The following PCSK2 variants were observed in gnomAD, a reference collection of about 807,000 sequenced individuals.
The protein encoded by PCSK2 is proprotein convertase subtilisin/kexin type 2, also known as neuroendocrine convertase 2.
Under a neutral mutation model 69.7 loss-of-function variants are expected in PCSK2, and 14 were observed. The observed-to-expected ratio is 0.20, with a 90% CI of 0.13 to 0.31. The LOEUF is 0.31. Among genes scored for constraint, PCSK2 ranks in the 10% least tolerant of loss-of-function variants. PCSK2 has a pLI of 1.00. For synonymous variants in PCSK2, 307 were observed against 320.7 expected, an observed-to-expected ratio of 0.96 and a Z score of 0.46; for missense variants, 544 against 842.5, an observed-to-expected ratio of 0.65 and a Z score of 4.39.
At chr20:17,337,907 T>G in intron 2 of PCSK2, among the ~76,000 whole-genome samples, 1 of 130,136 alleles carries the variant, frequency 7.7e-6, no homozygotes, top group Admixed American at 8.4e-5. Flanking sequence ...CCAGCCTGGG[T>G]GACAAAGCAA....
intron 2 of PCSK2, among the ~76,000 whole-genome samples, chr20:17,339,777 C>G (rs1990456304): frequency 1.3e-5 from 2 of 152,164 alleles, no homozygotes; most frequent in African/African-American, 4.8e-5. Flanking sequence ...CTGCCCAGCT[C>G]CCCTGTCATT....
chr20:17,470,016 G>A (rs575244911), intron 11 of PCSK2, among the ~76,000 whole-genome samples: 12 of 152,302 alleles, frequency 7.9e-5, no homozygotes, highest in African/African-American at 1.9e-4. Context: ...AAGGTCTGCC[G>A]TGTCTTTTGG....
intron 10 of PCSK2, 104 bp from the exon 11 acceptor site, chr20:17,465,222 G>A (rs1257463699): frequency 4.9e-6 from 4 of 820,094 alleles, no homozygotes; most frequent in Admixed American, 2.0e-5. Context: ...AATCTTACAA[G>A]AGGTCTGTGT....
At chr20:17,332,493 C>T (rs1990231121) in intron 2 of PCSK2, among the ~76,000 whole-genome samples, 1 of 152,106 alleles carries the variant, frequency 6.6e-6, no homozygotes, top group Non-Finnish European at 1.5e-5. Context: ...AAGCTGTCAC[C>T]TGAAATCTGG....
chr20:17,469,529 G>C (rs1031771917), intron 11 of PCSK2, among the ~76,000 whole-genome samples: 22 of 151,700 alleles, frequency 1.5e-4, no homozygotes, highest in Non-Finnish European at 2.9e-4. Context: ...ACACAAGGAA[G>C]CTGAGATCCA....
chr20:17,281,695 T>C (rs1017738904), intron 2 of PCSK2, among the ~76,000 whole-genome samples: 1 of 152,146 alleles, frequency 6.6e-6, no homozygotes, highest in Admixed American at 6.5e-5. Flanking sequence ...TTGCTGTGAA[T>C]CCCAGTGAAT....
At chr20:17,334,810 A>G (rs942875127) in intron 2 of PCSK2, among the ~76,000 whole-genome samples, 2 of 152,198 alleles carry the variant, frequency 1.3e-5, no homozygotes, top group African/African-American at 4.8e-5. Flanking sequence ...AAGCACATAA[A>G]ATAGTGGTAT....
At chr20:17,443,484 G>A (rs1438996922) in intron 8 of PCSK2, among the ~76,000 whole-genome samples, 1 of 152,100 alleles carries the variant, frequency 6.6e-6, no homozygotes, top group African/African-American at 2.4e-5. Context: ...ACACATCCAA[G>A]CCCCAGACCA....
intron 2 of PCSK2, among the ~76,000 whole-genome samples, chr20:17,262,083 G>T (rs1987409995): frequency 6.6e-6 from 1 of 152,210 alleles, no homozygotes; most frequent in South Asian, 2.1e-4. Context: ...TCTCTGAAAT[G>T]CTGATTCTTG....
At chr20:17,460,806 T>C (rs1056319398) in intron 10 of PCSK2, among the ~76,000 whole-genome samples, 12 of 152,222 alleles carry the variant, frequency 7.9e-5, no homozygotes, top group African/African-American at 1.4e-4. Context: ...TAACTTCTGA[T>C]ATATGTGATA....
rs180821791 is a variant in PCSK2, at chr20:17,341,098, G to C, written c.283-17229G>C. 1.8e-3 allele frequency among the ~76,000 whole-genome samples: 270 copies of C among 152,232 alleles called. 1 individual carries two copies. Among genetic ancestry groups the C allele is most frequent in the Middle Eastern group, 3.4e-3 (1 of 294 alleles). On this transcript the variant is annotated intron_variant, in intron 2 of 11. Transcript: ENST00000262545. ...CTACTAAAAATACAAAAATGAGCTGGGCATGGTGGTGCATGCCTGTAATCC... is the reference window on the plus strand; with the variant it reads ...CTACTAAAAATACAAAAATGAGCTGCGCATGGTGGTGCATGCCTGTAATCC...
intron 2 of PCSK2, among the ~76,000 whole-genome samples, chr20:17,274,045 T>G (rs978913262): frequency 6.6e-6 from 1 of 152,134 alleles, no homozygotes; most frequent in African/African-American, 2.4e-5. Flanking sequence ...AGAAGTGTGG[T>G]TCTCCCATGT....
At chr20:17,436,926 G>A in intron 8 of PCSK2, 43 bp downstream of exon 8, 1 of 1,514,888 alleles carries the variant, frequency 6.6e-7, no homozygotes, top group Non-Finnish European at 8.9e-7. Context: ...TCACAAGTTG[G>A]GACAAAGTGG....
chr20:17,377,046 C>T (rs528617054), intron 5 of PCSK2, among the ~76,000 whole-genome samples: 37 of 152,252 alleles, frequency 2.4e-4, no homozygotes, highest in South Asian at 4.1e-4. Flanking sequence ...AAGAGAGGAC[C>T]CTGGAACCTA....
Position 17,409,574 on chromosome 20 carries a change from T to G in PCSK2, c.620+235T>G, listed in dbSNP as rs965344898. ...TGCTAACTTGAAATTATTTGCTACT[T>G]TAATCCATTAAAGAGAAAAGAAAAT... On this transcript the variant is annotated intron_variant, in intron 6 of 11. Transcript: ENST00000262545. Among the ~76,000 whole-genome samples the G allele has an allele frequency of 3.9e-5, 6 of 152,226 alleles. No individual in the cohort carries two copies. The South Asian group carries it at 1.2e-3, about 32-fold the overall frequency.
intron 2 of PCSK2, among the ~76,000 whole-genome samples, chr20:17,347,908 G>GA (rs1990717389): frequency 7.3e-5 from 2 of 27,464 alleles, no homozygotes; most frequent in Admixed American, 8.4e-4. Context: ...AAGAAAGAAA[G>GA]AAAGAAAGAA....
chr20:17,268,757 G>T lies in PCSK2; in HGVS notation c.282+8413G>T, dbSNP rs146565509. ...CTATGGGCAAATAATAGACAATGGG[G>T]TAGAGGTATGGATGAGGGACAACTG... On this transcript the variant is annotated intron_variant, in intron 2 of 11. Coordinates refer to ENST00000262545, the MANE Select transcript of PCSK2 (RefSeq NM_002594.5). Among the ~76,000 whole-genome samples the T allele has an allele frequency of 2.1e-3, 313 of 152,300 alleles. 1 individual carries two copies. Among genetic ancestry groups the T allele is most frequent in the Non-Finnish European group, 3.4e-3 (230 of 68,030 alleles).
intron 2 of PCSK2, among the ~76,000 whole-genome samples, chr20:17,327,397 T>C (rs1320311802): frequency 6.6e-6 from 1 of 152,136 alleles, no homozygotes; most frequent in Non-Finnish European, 1.5e-5. Flanking sequence ...AGCAGATGCA[T>C]TTTCCGAGGG....
chr20:17,311,084 G>C (rs1989495298), intron 2 of PCSK2, among the ~76,000 whole-genome samples: 1 of 151,166 alleles, frequency 6.6e-6, no homozygotes, highest in South Asian at 2.1e-4. Flanking sequence ...TTTTTAATTA[G>C]AAAGATCAAC....
Sources: allele counts gnomAD v4.1 joint callset (sites outside exome capture counted in the v4.1 genomes callset), GRCh38; gene constraint gnomAD v4.1.1; transcripts MANE v1.5; gene names NCBI Gene and HGNC (gene_info 2026-07-23, HGNC 2026-07-21).